SV2C: variants seen among roughly 807,000 people sequenced by gnomAD.
SV2C encodes the protein solute carrier family 22 member B3.
SV2C carries 49 observed loss-of-function variants against 79.7 expected under a neutral mutation model. That is an observed-to-expected ratio of 0.61 (90% CI 0.49 to 0.78). The LOEUF is 0.78. SV2C is among the 30% of genes least tolerant of loss of function. The probability of loss-of-function intolerance (pLI) is 0.00; values close to 1 mark genes in which losing one functional copy is unlikely to be tolerated. For synonymous variants in SV2C, 334 were observed against 333.2 expected, an observed-to-expected ratio of 1.00 and a Z score of -0.03; for missense variants, 833 against 912.9, an observed-to-expected ratio of 0.91 and a Z score of 1.13.
At chr5:76,047,746 C>T in the SV2C span, among the ~76,000 whole-genome samples, 7 of 151,262 alleles carry the variant, frequency 4.6e-5, no homozygotes, top group African/African-American at 1.7e-4. Context: ...TAACAATATA[C>T]CGTATTCTTT....
At chr5:76,025,216 A>T in the SV2C span, among the ~76,000 whole-genome samples, 2 of 151,640 alleles carry the variant, frequency 1.3e-5, no homozygotes, top group South Asian at 4.2e-4. Flanking sequence ...AATAACCCAA[A>T]CACCTAAGCA....
chr5:75,858,723 T>C, the SV2C span, among the ~76,000 whole-genome samples: 3 of 152,224 alleles, frequency 2.0e-5, no homozygotes, highest in East Asian at 1.9e-4. Flanking sequence ...AGTGAAACCA[T>C]TGGGTCCCAA....
intron 2 of SV2C, among the ~76,000 whole-genome samples, chr5:76,148,779 G>A (rs371356726): frequency 1.3e-5 from 2 of 152,210 alleles, no homozygotes; most frequent in African/African-American, 4.8e-5. Flanking sequence ...AATGGGTCTT[G>A]TGATAGAGGC....
chr5:75,982,938 G>A, the SV2C span, among the ~76,000 whole-genome samples: 4 of 151,312 alleles, frequency 2.6e-5, no homozygotes, highest in South Asian at 2.1e-4. Flanking sequence ...ACTTAGAGGC[G>A]AACAACACAC....
chr5:76,257,443 T>C (rs1746320608), intron 4 of SV2C, among the ~76,000 whole-genome samples: 1 of 119,422 alleles, frequency 8.4e-6, no homozygotes, highest in South Asian at 2.5e-4. Flanking sequence ...GTGCAGTATA[T>C]GGGTGTGTGT....
rs138079949 is a variant in SV2C, at chr5:76,124,448, T to A, written c.-101-7202T>A. ...ATTATAGCATGTTTCAGAATTTCCT[T>A]CTTTTTAAGGCTGAATAACATTCCA... On this transcript the variant is annotated intron_variant, in intron 1 of 12. Transcript: ENST00000502798. Among the ~76,000 whole-genome samples, 30 of 152,334 alleles carry A rather than the reference T, an allele frequency of 2.0e-4. No individual in the cohort carries two copies. In the East Asian group the frequency reaches 5.6e-3, roughly 28 times the overall value.
chr5:76,181,100 C>T (rs987161857), intron 2 of SV2C, among the ~76,000 whole-genome samples: 1 of 151,860 alleles, frequency 6.6e-6, no homozygotes, highest in Non-Finnish European at 1.5e-5. Flanking sequence ...CTCAGCCATC[C>T]CCCTACCTGT....
the SV2C span, among the ~76,000 whole-genome samples, chr5:75,946,841 G>A: frequency 6.6e-6 from 1 of 152,008 alleles, no homozygotes; most frequent in South Asian, 2.1e-4. Context: ...GTGCTCATAG[G>A]TACATGACTC....
the SV2C span, among the ~76,000 whole-genome samples, chr5:76,010,850 A>G: frequency 6.6e-6 from 1 of 152,156 alleles, no homozygotes; most frequent in Non-Finnish European, 1.5e-5. Context: ...CTTAGAAAGA[A>G]GAAGAGGGTT....
At chr5:76,026,201 A>AACAC in the SV2C span, among the ~76,000 whole-genome samples, 24,738 of 139,894 alleles carry the variant, frequency 0.18, 2,336 homozygotes, top group Middle Eastern at 0.3. Flanking sequence ...CAAATTTACA[A>AACAC]ACACACACAC....
At chr5:76,148,793 T>G (rs1161012727) in intron 2 of SV2C, among the ~76,000 whole-genome samples, 5 of 152,230 alleles carry the variant, frequency 3.3e-5, no homozygotes, top group Non-Finnish European at 7.3e-5. Flanking sequence ...TAGAGGCTTT[T>G]GTCCCCACAG....
At chr5:76,014,165 G>A in the SV2C span, among the ~76,000 whole-genome samples, 1 of 108,482 alleles carries the variant, frequency 9.2e-6, no homozygotes, top group Non-Finnish European at 2.1e-5. Flanking sequence ...AAGAAGGAAG[G>A]AAGGAAGAAA....
the SV2C span, among the ~76,000 whole-genome samples, chr5:76,073,238 C>A: frequency 1.3e-5 from 2 of 152,010 alleles, no homozygotes; most frequent in South Asian, 4.1e-4. Context: ...AGATTTAAGT[C>A]TTTGATCCAT....
At chr5:76,148,742 G>A (rs1013415233) in intron 2 of SV2C, among the ~76,000 whole-genome samples, 3 of 152,172 alleles carry the variant, frequency 2.0e-5, no homozygotes, top group African/African-American at 7.2e-5. Context: ...CCTGAGCCAC[G>A]ATGTCTGGCC....
chr5:75,918,258 G>GCAA, the SV2C span, among the ~76,000 whole-genome samples: 2,426 of 152,254 alleles, frequency 0.016, 54 homozygotes, highest in African/African-American at 0.053. Context: ...ATTGTTCCAG[G>GCAA]CAACACTACA....
chr5:76,045,412 A>C, the SV2C span, among the ~76,000 whole-genome samples: 1 of 152,158 alleles, frequency 6.6e-6, no homozygotes, highest in African/African-American at 2.4e-5. Flanking sequence ...TTTGGGTTTC[A>C]TATGAATTTT....
chr5:75,879,468 A>C, the SV2C span, among the ~76,000 whole-genome samples: 17,957 of 152,286 alleles, frequency 0.12, 1,192 homozygotes, highest in African/African-American at 0.19. Flanking sequence ...GGGCCCCATG[A>C]GAGTCTGAAA....
the SV2C span, among the ~76,000 whole-genome samples, chr5:75,931,426 T>C: frequency 6.6e-6 from 1 of 152,204 alleles, no homozygotes; most frequent in East Asian, 1.9e-4. Context: ...CAGAATACTA[T>C]GTTTCAAGGT....
chr5:75,998,460 G>A, the SV2C span, among the ~76,000 whole-genome samples: 2 of 152,122 alleles, frequency 1.3e-5, no homozygotes, highest in African/African-American at 4.8e-5. Flanking sequence ...TGCAGTGGAA[G>A]GTACCCATCC....
Sources: gnomAD v4.1 joint callset for allele counts (sites outside exome capture counted in the v4.1 genomes callset) on GRCh38, gnomAD v4.1.1 for gene constraint, MANE v1.5 for transcripts, NCBI Gene and HGNC (gene_info 2026-07-23, HGNC 2026-07-21) for gene names.